Variants in TMIGD1 observed in about 807,000 individuals in gnomAD.
TMIGD1 encodes transmembrane and immunoglobulin domain-containing protein 1.
In TMIGD1, 29 loss-of-function variants were observed where a neutral mutation model predicts 27.5. That is an observed-to-expected ratio of 1.05 (90% CI 0.78 to 1.44). The LOEUF (loss-of-function observed/expected upper bound fraction) is 1.44. Among genes scored for constraint, TMIGD1 ranks in the 40% most tolerant of loss-of-function variants. The pLI is 0.00. For missense variants in TMIGD1, 334 were observed against 310.6 expected (o/e 1.08, Z -0.57); for synonymous variants, 109 against 110.3 (o/e 0.99, Z 0.07).
At chr17:30,323,135 A>G (rs769381078) in intron 4 of TMIGD1, among the ~76,000 whole-genome samples, 11 of 152,134 alleles carry the variant, frequency 7.2e-5, no homozygotes, top group Non-Finnish European at 1.3e-4. Context: ...ACGCTACTGC[A>G]CTCCAGCCTG....
rs1169836019 is a variant in TMIGD1, at chr17:30,329,475, G to A, written c.137C>T (p.Pro46Leu). ...KTENYILDTTPGSQASLICAV... is the reference protein window; with the variant it reads ...KTENYILDTTLGSQASLICAV... ...ACATATCAGAGATGCTTGGGAGCCA[G>A]GTGTAGTATCCAGGATATAGTTCTC... The change falls in exon 3 of 7, where the codon CCT becomes CTT. Residue 46 changes from proline (P) to leucine (L), a missense_variant. Physicochemically the swap from Pro to Leu is moderately conservative, Grantham distance 98. Coordinates refer to ENST00000328886, the MANE Select transcript of TMIGD1 (RefSeq NM_206832.3). The A allele has an allele frequency of 6.2e-7, 1 of 1,614,154 alleles. No individual in the cohort carries two copies. Among genetic ancestry groups the A allele is most frequent in the Admixed American group, 1.7e-5 (1 of 60,004 alleles).
At chr17:30,321,327 A>ACTG (rs1400585707) in intron 4 of TMIGD1, among the ~76,000 whole-genome samples, 1 of 152,218 alleles carries the variant, frequency 6.6e-6, no homozygotes, top group East Asian at 1.9e-4. Flanking sequence ...TAACAAAGTA[A>ACTG]AAGTGCTTCA....
At chr17:30,325,862 C>T (rs3110061) in intron 3 of TMIGD1, among the ~76,000 whole-genome samples, 52,029 of 151,964 alleles carry the variant, frequency 0.34, 9,815 homozygotes, top group Admixed American at 0.42. Context: ...CCTCTCATCC[C>T]TGTGTGTGAG....
chr17:30,318,668 A>C (rs1478935380), intron 5 of TMIGD1, 142 bp downstream of exon 5: 1 of 575,582 alleles, frequency 1.7e-6, no homozygotes, highest in Non-Finnish European at 3.1e-6. Flanking sequence ...CCCTTGAGCA[A>C]CTGTATTTTA....
chr17:30,319,261 A>AAAAAAAAATATATATATAT, intron 4 of TMIGD1, among the ~76,000 whole-genome samples: 3 of 69,040 alleles, frequency 4.3e-5, no homozygotes, highest in South Asian at 4.2e-4. Flanking sequence ...AAAAAAAAAA[A>AAAAAAAAATATATATATAT]ATATATATAT....
At chr17:30,332,451 T>C in intron 1 of TMIGD1, among the ~76,000 whole-genome samples, 1 of 152,220 alleles carries the variant, frequency 6.6e-6, no homozygotes, top group Non-Finnish European at 1.5e-5. Context: ...GAGAAACTGA[T>C]AGAATTTCAT....
intron 4 of TMIGD1, among the ~76,000 whole-genome samples, chr17:30,319,261 A>AAAAAATATATATATATATATATATATAT: frequency 1.0e-4 from 7 of 69,032 alleles, no homozygotes; most frequent in African/African-American, 6.4e-4. Flanking sequence ...AAAAAAAAAA[A>AAAAAATATATATATATATATATATATAT]ATATATATAT....
chr17:30,330,346 A>G (rs1194845906), intron 2 of TMIGD1, among the ~76,000 whole-genome samples: 1 of 152,228 alleles, frequency 6.6e-6, no homozygotes, highest in Non-Finnish European at 1.5e-5. Context: ...GCATATATGT[A>G]TATACATATA....
At chr17:30,330,494 G>A (rs1909941403) in intron 2 of TMIGD1, among the ~76,000 whole-genome samples, 1 of 152,182 alleles carries the variant, frequency 6.6e-6, no homozygotes, top group African/African-American at 2.4e-5. Context: ...TACTACAAAT[G>A]TATCAAAATT....
intron 4 of TMIGD1, 105 bp from the exon 5 acceptor site, chr17:30,319,018 A>G (rs1909516082): frequency 2.6e-6 from 2 of 777,730 alleles, no homozygotes; most frequent in Non-Finnish European, 4.4e-6. Context: ...CCTTAATTAA[A>G]CCTTCTCAAC....
chr17:30,316,623 A>T lies in TMIGD1; in HGVS notation c.*64T>A. 1 of 1,539,466 alleles carries T rather than the reference A, an allele frequency of 6.5e-7. No individual in the cohort carries two copies. The highest frequency in any genetic ancestry group is 9.0e-7 in the Non-Finnish European group (1 of 1,116,044). ...AATAATAGCAATAAATACAGATGGG[A>T]CTACATAAATTGTGGAGGTCCTGAT... On this transcript the variant is annotated 3_prime_UTR_variant, in exon 7 of 7. Transcript: ENST00000328886.
At position 30,325,792 on chromosome 17, in the gene TMIGD1, C is replaced by G. The variant is rs140165349; in HGVS notation, c.362-698G>C. ...TCAGTGGTGCTCTAGAAATAATGTC[C>G]TCCTCCCAGAAGGTGTTCTAAGCAT... is the stretch of plus-strand genomic sequence containing the variant. On this transcript the variant is annotated intron_variant, in intron 3 of 6. Transcript: ENST00000328886. Among the ~76,000 whole-genome samples, 181 of 152,168 alleles carry G rather than the reference C, an allele frequency of 1.2e-3. 2 individuals are homozygous for G. Among genetic ancestry groups the G allele is most frequent in the African/African-American group, 4.3e-3 (177 of 41,508 alleles).
intron 6 of TMIGD1, chr17:30,316,957 T>C (rs1909434849): frequency 1.6e-6 from 1 of 626,058 alleles, no homozygotes; most frequent in African/African-American, 1.8e-5. Flanking sequence ...GCACAAACAT[T>C]GGGCAAACTC....
intron 5 of TMIGD1, 82 bp from the exon 6 acceptor site, chr17:30,317,315 G>T: frequency 6.6e-7 from 1 of 1,508,286 alleles, no homozygotes; most frequent in Non-Finnish European, 9.2e-7. Context: ...ATGGCTCGAG[G>T]ACAGGTGTGT....
In TMIGD1 at chr17:30,324,824, A is replaced by C. The variant is rs1486484921; in HGVS notation, c.632T>G (p.Ile211Ser). The C allele has an allele frequency of 3.1e-6, 5 of 1,613,826 alleles. No individual in the cohort carries two copies. Among genetic ancestry groups the C allele is most frequent in the Non-Finnish European group, 4.2e-6 (5 of 1,179,724 alleles). The change falls in exon 4 of 7, where the codon ATT (isoleucine) becomes AGT (serine). Residue 211 changes from isoleucine to serine, a missense_variant. Physicochemically the swap from Ile to Ser is moderately radical, Grantham distance 142. Transcript: ENST00000328886. ...LKTESLDFHL[I>S]VKDKTVGVPI... ...CTTAAAAAGAGCATTACCTTTAACAATCAGGTGAAAGTCCAAGCTCTCCGT... is the reference window on the plus strand; with the variant it reads ...CTTAAAAAGAGCATTACCTTTAACACTCAGGTGAAAGTCCAAGCTCTCCGT...
intron 4 of TMIGD1, among the ~76,000 whole-genome samples, chr17:30,323,932 C>T (rs1597682256): frequency 4.6e-5 from 7 of 152,336 alleles, no homozygotes; most frequent in Admixed American, 3.9e-4. Context: ...TCTTCTTCCC[C>T]ACTAGCCACT....
chr17:30,319,849 G>C (rs970281068), intron 4 of TMIGD1, among the ~76,000 whole-genome samples: 1 of 151,964 alleles, frequency 6.6e-6, no homozygotes, highest in African/African-American at 2.4e-5. Context: ...GCTGCATAGT[G>C]TCTCTAGGGA....
chr17:30,319,261 A>AAAATAT, intron 4 of TMIGD1, among the ~76,000 whole-genome samples: 7 of 69,046 alleles, frequency 1.0e-4, no homozygotes, highest in Non-Finnish European at 1.8e-4. Context: ...AAAAAAAAAA[A>AAAATAT]ATATATATAT....
chr17:30,318,228 T>C (rs1404468122), intron 5 of TMIGD1, among the ~76,000 whole-genome samples: 1 of 152,238 alleles, frequency 6.6e-6, no homozygotes, highest in Non-Finnish European at 1.5e-5. Flanking sequence ...TGCCCCTTGC[T>C]GAATGATGAA....
Sources: gnomAD v4.1 joint callset for allele counts (sites outside exome capture counted in the v4.1 genomes callset) on GRCh38, gnomAD v4.1.1 for gene constraint, MANE v1.5 for transcripts, NCBI Gene and HGNC (gene_info 2026-07-23, HGNC 2026-07-21) for gene names.